KIAA1217: variants seen among roughly 807,000 people sequenced by gnomAD.
The protein encoded by KIAA1217 is sickle tail protein homolog.
Under a neutral mutation model 163.9 loss-of-function variants are expected in KIAA1217, and 88 were observed. The observed-to-expected ratio is 0.54, with a 90% CI of 0.45 to 0.64. The LOEUF (loss-of-function observed/expected upper bound fraction) is 0.64, where lower values mean the gene tolerates loss of function less well. KIAA1217 is among the 30% of genes least tolerant of loss of function. The pLI is 0.00. For synonymous variants in KIAA1217, 903 were observed against 923.1 expected (o/e 0.98, Z 0.39); for missense variants, 2,372 against 2,475.0 (o/e 0.96, Z 0.88).
intron 1 of KIAA1217, among the ~76,000 whole-genome samples, chr10:23,833,812 G>T (rs755863130): frequency 1.3e-4 from 19 of 151,894 alleles, no homozygotes; most frequent in Non-Finnish European, 2.4e-4. Context: ...TTAGATAAGT[G>T]ATATAACCTC....
chr10:24,470,278 C>T (rs1361668932), intron 5 of KIAA1217, among the ~76,000 whole-genome samples: 1 of 152,176 alleles, frequency 6.6e-6, no homozygotes, highest in Non-Finnish European at 1.5e-5. Context: ...CCTGCAAAAC[C>T]TGTGTCACGC....
chr10:24,048,389 A>G (rs928954440), intron 2 of KIAA1217, among the ~76,000 whole-genome samples: 1 of 152,218 alleles, frequency 6.6e-6, no homozygotes, highest in African/African-American at 2.4e-5. Context: ...AATATGAAAA[A>G]TTACACTTAC....
intron 3 of KIAA1217, among the ~76,000 whole-genome samples, chr10:24,420,391 T>C (rs2058636260): frequency 6.6e-6 from 1 of 152,240 alleles, no homozygotes; most frequent in Non-Finnish European, 1.5e-5. Flanking sequence ...GCTTTATAAA[T>C]GTTCTTTAAT....
At chr10:24,091,160 GTTA>G (rs1467808717) in intron 2 of KIAA1217, among the ~76,000 whole-genome samples, 2 of 151,850 alleles carry the variant, frequency 1.3e-5, no homozygotes, top group African/African-American at 4.9e-5. Context: ...AACTGACTGT[GTTA>G]TTATCAGTCC....
rs758769620 is a variant in KIAA1217, at chr10:24,474,010, G to A, written c.1629G>A (p.Lys543=). ...LVDLGPPLME[K]QVFAYSTATI... The stretch of plus-strand genomic sequence containing the variant: ...ACCTCGGCCCTCCTCTAATGGAGAA[G>A]CAAGTTTTTGCCTACAGCACGGCGA... Residue 543 remains lysine (K), a synonymous_variant, in exon 6 of 21, where the codon AAG becomes AAA. Coordinates refer to ENST00000376454, the MANE Select transcript of KIAA1217 (RefSeq NM_019590.5). 2 of 1,611,852 alleles carry A rather than the reference G, an allele frequency of 1.2e-6. No homozygotes were observed. The highest frequency in any genetic ancestry group is 1.1e-5 in the South Asian group (1 of 90,994).
intron 6 of KIAA1217, among the ~76,000 whole-genome samples, chr10:24,480,012 A>G (rs1445726115): frequency 6.6e-6 from 1 of 152,178 alleles, no homozygotes; most frequent in Non-Finnish European, 1.5e-5. Context: ...ACATTTCAAC[A>G]TGAGTTTTAG....
chr10:23,953,604 G>A (rs1208203956), intron 1 of KIAA1217, among the ~76,000 whole-genome samples: 34 of 152,162 alleles, frequency 2.2e-4, no homozygotes, highest in Admixed American at 2.1e-3. Context: ...TTCTATACCC[G>A]ACTCAACTAG....
chr10:24,015,083 G>C (rs1177129087), intron 2 of KIAA1217, among the ~76,000 whole-genome samples: 1 of 152,066 alleles, frequency 6.6e-6, no homozygotes, highest in Non-Finnish European at 1.5e-5. Context: ...GGCTGTCATT[G>C]CTACAACCAT....
At chr10:23,951,343 G>A (rs1844326842) in intron 1 of KIAA1217, among the ~76,000 whole-genome samples, 1 of 152,180 alleles carries the variant, frequency 6.6e-6, no homozygotes, top group South Asian at 2.1e-4. Flanking sequence ...GAAAATTAAA[G>A]CTCAGAAAAG....
chr10:24,235,946 C>T lies in KIAA1217; in HGVS notation c.354+16037C>T, dbSNP rs142875096. Among the ~76,000 whole-genome samples, 248 of 152,238 alleles carry T rather than the reference C, an allele frequency of 1.6e-3. 3 individuals are homozygous for T. Among genetic ancestry groups the T allele is most frequent in the African/African-American group, 5.8e-3 (240 of 41,542 alleles). On this transcript the variant is annotated intron_variant, in intron 2 of 20. Coordinates refer to ENST00000376454, the MANE Select transcript of KIAA1217 (RefSeq NM_019590.5). ...TTTTATTAAACTAGGAGTATCAGTG[C>T]CTGGTAGTTAAGTACAGGTGTTTTG...
intron 2 of KIAA1217, among the ~76,000 whole-genome samples, chr10:24,360,240 G>T (rs909260986): frequency 1.1e-4 from 16 of 151,788 alleles, no homozygotes; most frequent in African/African-American, 3.1e-4. Flanking sequence ...TAGAGATGGG[G>T]TTTCACCATG....
chr10:24,297,304 C>T (rs2132610674), intron 2 of KIAA1217, among the ~76,000 whole-genome samples: 1 of 152,286 alleles, frequency 6.6e-6, no homozygotes, highest in Non-Finnish European at 1.5e-5. Context: ...TAATTGCATG[C>T]TTAGTGGTCT....
At chr10:23,799,015 A>G (rs1179559384) in intron 1 of KIAA1217, among the ~76,000 whole-genome samples, 1 of 152,170 alleles carries the variant, frequency 6.6e-6, no homozygotes, top group Non-Finnish European at 1.5e-5. Flanking sequence ...ACTGTGAGAG[A>G]GAATCTGTGC....
Position 24,423,736 on chromosome 10 carries a change from G to A in KIAA1217, c.554-9259G>A, listed in dbSNP as rs116030978. ...GTTTTAGTAGAAATAGGGTTTCACC[G>A]TGTTGCCCAGGTTGGTCTCAAATTC... is the stretch of plus-strand genomic sequence containing the variant. On this transcript the variant is annotated intron_variant, in intron 3 of 20. Coordinates refer to ENST00000376454, the MANE Select transcript of KIAA1217 (RefSeq NM_019590.5). Among the ~76,000 whole-genome samples the A allele has an allele frequency of 6.5e-3, 990 of 152,226 alleles. 8 individuals are homozygous for A. The highest frequency in any genetic ancestry group is 0.021 in the African/African-American group (862 of 41,538).
intron 2 of KIAA1217, among the ~76,000 whole-genome samples, chr10:24,277,094 A>G (rs2077389613): frequency 6.6e-6 from 1 of 152,138 alleles, no homozygotes; most frequent in Non-Finnish European, 1.5e-5. Context: ...CAATCTTAAA[A>G]TGTTTTATCC....
intron 1 of KIAA1217, among the ~76,000 whole-genome samples, chr10:23,865,218 T>C (rs762398664): frequency 6.6e-6 from 1 of 152,200 alleles, no homozygotes; most frequent in Non-Finnish European, 1.5e-5. Context: ...GAGAGAATTT[T>C]TCCTTTGTCC....
At chr10:24,124,068 A>T (rs2063381764) in intron 2 of KIAA1217, among the ~76,000 whole-genome samples, 1 of 152,216 alleles carries the variant, frequency 6.6e-6, no homozygotes, top group African/African-American at 2.4e-5. Flanking sequence ...TTAAATGTCA[A>T]CATTTCATTT....
At chr10:24,259,048 G>A (rs2075461742) in intron 2 of KIAA1217, among the ~76,000 whole-genome samples, 1 of 152,116 alleles carries the variant, frequency 6.6e-6, no homozygotes, top group Non-Finnish European at 1.5e-5. Context: ...CAAGGAGAGA[G>A]GTTAAGCTGC....
intron 2 of KIAA1217, among the ~76,000 whole-genome samples, chr10:24,033,452 C>A (rs1208264478): frequency 6.6e-6 from 1 of 152,168 alleles, no homozygotes; most frequent in East Asian, 1.9e-4. Flanking sequence ...ATCCAAATAG[C>A]TAAAGGGGTG....
Sources: allele counts gnomAD v4.1 joint callset (sites outside exome capture counted in the v4.1 genomes callset), GRCh38; gene constraint gnomAD v4.1.1; transcripts MANE v1.5; gene names NCBI Gene and HGNC (gene_info 2026-07-23, HGNC 2026-07-21).